Variants in DAAM1 observed in about 807,000 individuals in gnomAD.
DAAM1 encodes the protein disheveled-associated activator of morphogenesis 1.
Under a neutral mutation model 130.0 loss-of-function variants are expected in DAAM1, and 52 were observed. That is an observed-to-expected ratio of 0.40 (90% confidence interval 0.32 to 0.50). DAAM1 has a LOEUF of 0.50. Among genes scored for constraint, DAAM1 ranks in the 20% least tolerant of loss-of-function variants. DAAM1 has a pLI of 0.61. For missense variants in DAAM1, 1,134 were observed against 1,303.8 expected (o/e 0.87, Z 2.01); for synonymous variants, 452 against 444.5 (o/e 1.02, Z -0.21).
chr14:59,259,767 G>A (rs1481590368), intron 1 of DAAM1, among the ~76,000 whole-genome samples: 3 of 152,206 alleles, frequency 2.0e-5, no homozygotes, highest in Admixed American at 6.5e-5. Context: ...AGATTAGGCC[G>A]GGCGTGGTGG....
chr14:59,359,556 A>G (rs1186900799), intron 21 of DAAM1, 52 bp downstream of exon 21: 4 of 1,437,044 alleles, frequency 2.8e-6, no homozygotes, highest in Non-Finnish European at 3.9e-6. Context: ...ATTGTGTGTT[A>G]GCCATTGAGG....
chr14:59,334,685 A>G (rs1885558537), intron 15 of DAAM1, among the ~76,000 whole-genome samples: 1 of 152,234 alleles, frequency 6.6e-6, no homozygotes, highest in Admixed American at 6.5e-5. Context: ...ATATACAAAC[A>G]TAAGTGTATA....
chr14:59,366,070 G>A (rs1227017349), intron 23 of DAAM1, among the ~76,000 whole-genome samples: 1 of 150,430 alleles, frequency 6.6e-6, no homozygotes, highest in Non-Finnish European at 1.5e-5. Flanking sequence ...AAATTTCTTG[G>A]TATTTTGCAT....
intron 1 of DAAM1, among the ~76,000 whole-genome samples, chr14:59,241,883 C>T (rs927475158): frequency 6.6e-6 from 1 of 151,624 alleles, no homozygotes; most frequent in Non-Finnish European, 1.5e-5. Flanking sequence ...CACAAACTGT[C>T]TCTCTCTCTC....
chr14:59,203,943 G>T (rs563066881), intron 1 of DAAM1, among the ~76,000 whole-genome samples: 3 of 152,284 alleles, frequency 2.0e-5, no homozygotes, highest in African/African-American at 7.2e-5. Context: ...GTAGCTCAAG[G>T]TTTCTCAAAT....
intron 2 of DAAM1, among the ~76,000 whole-genome samples, chr14:59,284,902 G>T (rs913882266): frequency 1.3e-5 from 2 of 152,092 alleles, no homozygotes; most frequent in African/African-American, 4.8e-5. Flanking sequence ...TGTAGTCAAC[G>T]AAAATTTCCC....
At chr14:59,302,158 C>T (rs967842091) in intron 3 of DAAM1, among the ~76,000 whole-genome samples, 1 of 152,082 alleles carries the variant, frequency 6.6e-6, no homozygotes, top group Non-Finnish European at 1.5e-5. Context: ...GAAACAATTC[C>T]GGAATATCCA....
At chr14:59,235,408 T>C (rs1001654248) in intron 1 of DAAM1, among the ~76,000 whole-genome samples, 1 of 152,214 alleles carries the variant, frequency 6.6e-6, no homozygotes, top group African/African-American at 2.4e-5. Context: ...CCATTTCTTC[T>C]AGGTTTTCTT....
At chr14:59,334,451 C>T (rs1411893597) in intron 15 of DAAM1, among the ~76,000 whole-genome samples, 1 of 152,114 alleles carries the variant, frequency 6.6e-6, no homozygotes, top group Non-Finnish European at 1.5e-5. Context: ...TTTTTCCTCC[C>T]TCCAGAGTCA....
At chr14:59,357,629 T>C (rs367992486) in intron 20 of DAAM1, among the ~76,000 whole-genome samples, 3 of 152,222 alleles carry the variant, frequency 2.0e-5, no homozygotes, top group East Asian at 3.9e-4. Context: ...ATAGAAAAAG[T>C]TATCCAGGCG....
chr14:59,325,620 T>A (rs1396158698), intron 8 of DAAM1, 44 bp from the exon 9 acceptor site: 1 of 1,543,642 alleles, frequency 6.5e-7, no homozygotes, highest in Non-Finnish European at 8.9e-7. Flanking sequence ...CACCTGTGTT[T>A]ATAGGATGTT....
chr14:59,352,682 C>T, intron 18 of DAAM1, 50 bp downstream of exon 18: 1 of 1,497,216 alleles, frequency 6.7e-7, no homozygotes, highest in Non-Finnish European at 9.2e-7. Context: ...CCTTTCTAAG[C>T]TTCATGAATT....
At chr14:59,273,761 G>A (rs940353259) in intron 2 of DAAM1, among the ~76,000 whole-genome samples, 5 of 152,184 alleles carry the variant, frequency 3.3e-5, no homozygotes, top group Admixed American at 1.3e-4. Context: ...GCTTTTAAGC[G>A]TAATTTTAAA....
intron 21 of DAAM1, among the ~76,000 whole-genome samples, chr14:59,360,473 G>C (rs1886663199): frequency 6.6e-6 from 1 of 152,204 alleles, no homozygotes; most frequent in African/African-American, 2.4e-5. Flanking sequence ...AGTATGGCAA[G>C]AGATTTATTT....
chr14:59,244,079 G>T (rs1881245085), intron 1 of DAAM1, among the ~76,000 whole-genome samples: 2 of 152,100 alleles, frequency 1.3e-5, no homozygotes, highest in Admixed American at 1.3e-4. Flanking sequence ...CCATGTGTTG[G>T]GGGAGGGTCC....
At chr14:59,337,338 C>T (rs1885667352) in intron 15 of DAAM1, among the ~76,000 whole-genome samples, 1 of 152,188 alleles carries the variant, frequency 6.6e-6, no homozygotes, top group South Asian at 2.1e-4. Flanking sequence ...AAATGCCATT[C>T]TAGAAAAGCA....
At chr14:59,245,357 A>G (rs1054475044) in intron 1 of DAAM1, among the ~76,000 whole-genome samples, 21 of 152,208 alleles carry the variant, frequency 1.4e-4, no homozygotes, top group African/African-American at 4.8e-4. Context: ...GTCAGAAGCC[A>G]TGAATGTGAC....
At chr14:59,189,914 C>G (rs1325944640) in intron 1 of DAAM1, among the ~76,000 whole-genome samples, 2 of 152,180 alleles carry the variant, frequency 1.3e-5, no homozygotes, top group African/African-American at 4.8e-5. Context: ...CCTTCATCTC[C>G]ACTTTCTGGA....
intron 4 of DAAM1, among the ~76,000 whole-genome samples, chr14:59,318,399 C>T (rs949561103): frequency 2.0e-5 from 3 of 151,362 alleles, no homozygotes; most frequent in African/African-American, 4.9e-5. Context: ...TGCAAGGATG[C>T]GCTTTGTCCT....
Sources: allele counts gnomAD v4.1 joint callset (sites outside exome capture counted in the v4.1 genomes callset), GRCh38; gene constraint gnomAD v4.1.1; transcripts MANE v1.5; gene names NCBI Gene and HGNC (gene_info 2026-07-23, HGNC 2026-07-21).